Variants in GRID2 observed in about 807,000 individuals in gnomAD.
GRID2 encodes the protein glutamate ionotropic receptor delta type subunit 2.
In GRID2, 33 loss-of-function variants were observed where a neutral mutation model predicts 114.8. The ratio of observed to expected loss-of-function variants is 0.29; its 90% confidence interval spans 0.22 to 0.38. The LOEUF is 0.38. GRID2 is among the 10% of genes least tolerant of loss of function. GRID2 has a pLI of 1.00. For missense variants in GRID2, 1,184 were observed against 1,257.7 expected, an observed-to-expected ratio of 0.94 and a Z score of 0.89; for synonymous variants, 505 against 449.9, an observed-to-expected ratio of 1.12 and a Z score of -1.55.
chr4:92,655,091 T>A (rs182433307), intron 2 of GRID2, among the ~76,000 whole-genome samples: 2 of 152,118 alleles, frequency 1.3e-5, no homozygotes, highest in Admixed American at 1.3e-4. Context: ...AGGGGTCCAG[T>A]CTCATTCTTC....
At chr4:93,185,989 A>G (rs1740378903) in intron 4 of GRID2, among the ~76,000 whole-genome samples, 1 of 152,090 alleles carries the variant, frequency 6.6e-6, no homozygotes, top group Non-Finnish European at 1.5e-5. Flanking sequence ...GAGTGAGAAC[A>G]TGCGGTGTTT....
In GRID2 at chr4:93,226,482, C is replaced by CAAT. The variant is rs556724590; in HGVS notation, c.1125+1709_1125+1711dup. Among the ~76,000 whole-genome samples the CAAT allele has an allele frequency of 4.5e-4, 69 of 152,246 alleles. No homozygotes were observed. In the Middle Eastern group the frequency reaches 0.017, roughly 38 times the overall value. ...AATATTAAGTCATAAAGCCGAGAAA[C>CAAT]AATATCCTTTTACACCATGTCCTCA... is the stretch of plus-strand genomic sequence containing the variant. On this transcript the variant is annotated intron_variant, in intron 7 of 15. Coordinates refer to ENST00000282020, the MANE Select transcript of GRID2 (RefSeq NM_001510.4).
At chr4:93,503,963 G>C (rs774263174) in intron 12 of GRID2, among the ~76,000 whole-genome samples, 5 of 152,038 alleles carry the variant, frequency 3.3e-5, no homozygotes, top group Non-Finnish European at 7.4e-5. Flanking sequence ...TAAAGAGCCA[G>C]GATTTTTGGT....
At position 93,614,482 on chromosome 4, in the gene GRID2, T is replaced by C. The variant is rs564837070; in HGVS notation, c.2194-11787T>C. Among the ~76,000 whole-genome samples, 25 of 152,270 alleles carry C rather than the reference T, an allele frequency of 1.6e-4. No individual in the cohort carries two copies. The South Asian group carries it at 4.8e-3, about 29-fold the overall frequency. ...GCATCAGATCAAAACCCATAAAATA[T>C]AGTGTGTAATAATAATTATATATGT... On this transcript the variant is annotated intron_variant, in intron 13 of 15. Transcript: ENST00000282020.
intron 1 of GRID2, among the ~76,000 whole-genome samples, chr4:93,805,012 G>T (rs1180459237): frequency 1.3e-5 from 2 of 152,100 alleles, no homozygotes; most frequent in Non-Finnish European, 2.9e-5. Flanking sequence ...GTATACCAGT[G>T]CATTTTCTAT....
chr4:93,064,848 G>A (rs774733232), intron 2 of GRID2, among the ~76,000 whole-genome samples: 13 of 151,750 alleles, frequency 8.6e-5, no homozygotes, highest in South Asian at 2.1e-4. Flanking sequence ...TTTGTTTTCA[G>A]TCTAATCATC....
chr4:92,901,323 A>G (rs1747566487), intron 2 of GRID2, among the ~76,000 whole-genome samples: 1 of 152,128 alleles, frequency 6.6e-6, no homozygotes, highest in Admixed American at 6.6e-5. Context: ...CTCAGATGGT[A>G]AGTGGTGCTG....
At chr4:93,769,713 T>G (rs1212931130) in intron 15 of GRID2, among the ~76,000 whole-genome samples, 1 of 152,226 alleles carries the variant, frequency 6.6e-6, no homozygotes, top group Non-Finnish European at 1.5e-5. Context: ...TGAAATTCTC[T>G]CAAATCTCAG....
At chr4:93,264,364 A>C (rs1245864880) in intron 8 of GRID2, among the ~76,000 whole-genome samples, 1 of 152,072 alleles carries the variant, frequency 6.6e-6, no homozygotes, top group Non-Finnish European at 1.5e-5. Flanking sequence ...TTTCCAGGTA[A>C]GGTCACAGCA....
intron 10 of GRID2, among the ~76,000 whole-genome samples, chr4:93,444,961 T>C (rs1721957766): frequency 6.6e-6 from 1 of 152,056 alleles, no homozygotes; most frequent in South Asian, 2.1e-4. Context: ...TTCTTAGTAA[T>C]ACAGCTCCTG....
At chr4:92,347,529 G>T (rs963443957) in intron 1 of GRID2, among the ~76,000 whole-genome samples, 2 of 152,166 alleles carry the variant, frequency 1.3e-5, no homozygotes, top group African/African-American at 4.8e-5. Context: ...GCTATACTTA[G>T]AATAGGTTGA....
intron 1 of GRID2, among the ~76,000 whole-genome samples, chr4:92,350,177 G>GTAT (rs1727994340): frequency 6.6e-6 from 1 of 151,766 alleles, no homozygotes; most frequent in Admixed American, 6.6e-5. Context: ...TATCATGCAT[G>GTAT]TATTACCTCA....
At chr4:93,504,717 C>T (rs1728458779) in intron 12 of GRID2, among the ~76,000 whole-genome samples, 1 of 151,852 alleles carries the variant, frequency 6.6e-6, no homozygotes, top group African/African-American at 2.4e-5. Context: ...AACCTAGCAG[C>T]ATGTAAGTTG....
chr4:92,376,430 A>G (rs1729360990), intron 1 of GRID2, among the ~76,000 whole-genome samples: 1 of 152,158 alleles, frequency 6.6e-6, no homozygotes, highest in African/African-American at 2.4e-5. Context: ...TTTGCAGGGT[A>G]TAGCCTCCAT....
intron 14 of GRID2, among the ~76,000 whole-genome samples, chr4:93,755,782 A>T (rs150317910): frequency 1.4e-3 from 212 of 152,366 alleles, no homozygotes; most frequent in African/African-American, 4.9e-3. Flanking sequence ...TTAAATAATG[A>T]CATAATCAGT....
intron 2 of GRID2, among the ~76,000 whole-genome samples, chr4:93,024,684 T>C (rs1440570603): frequency 1.3e-5 from 2 of 151,824 alleles, no homozygotes; most frequent in Non-Finnish European, 3.0e-5. Context: ...GACTGAATAC[T>C]TAAGATTTTC....
At chr4:92,887,683 C>T (rs1173078296) in intron 2 of GRID2, among the ~76,000 whole-genome samples, 3 of 152,182 alleles carry the variant, frequency 2.0e-5, no homozygotes, top group African/African-American at 7.2e-5. Flanking sequence ...TGACAAAGAT[C>T]TTTTCTTAAT....
At chr4:93,227,082 G>C (rs997345400) in intron 7 of GRID2, among the ~76,000 whole-genome samples, 6 of 152,190 alleles carry the variant, frequency 3.9e-5, no homozygotes, top group Non-Finnish European at 8.8e-5. Context: ...CCTTCCGAGA[G>C]ACTGTGAGGG....
At chr4:92,583,548 T>C (rs1473764490) in intron 1 of GRID2, among the ~76,000 whole-genome samples, 1 of 151,882 alleles carries the variant, frequency 6.6e-6, no homozygotes, top group Non-Finnish European at 1.5e-5. Context: ...GCATAGAACA[T>C]ATTAGGAAAT....
Sources: gnomAD v4.1 joint callset for allele counts (sites outside exome capture counted in the v4.1 genomes callset) on GRCh38, gnomAD v4.1.1 for gene constraint, MANE v1.5 for transcripts, NCBI Gene and HGNC (gene_info 2026-07-23, HGNC 2026-07-21) for gene names.